Variants in FHIT observed in about 807,000 individuals in gnomAD.
FHIT encodes the protein bis(5'-adenosyl)-triphosphatase.
A neutral mutation model predicts 17.9 loss-of-function variants in FHIT; 19 were observed. The ratio of observed to expected loss-of-function variants is 1.06; its 90% CI spans 0.74 to 1.56. The LOEUF is 1.56. Ranked by LOEUF, FHIT falls within the 40% of genes most tolerant of loss-of-function variation. The pLI is 0.00. For synonymous variants in FHIT, 81 were observed against 69.7 expected, an observed-to-expected ratio of 1.16 and a Z score of -0.81; for missense variants, 248 against 189.2, an observed-to-expected ratio of 1.31 and a Z score of -1.82.
intron 5 of FHIT, among the ~76,000 whole-genome samples, chr3:60,287,582 A>G (rs1707786041): frequency 6.6e-6 from 1 of 152,230 alleles, no homozygotes; most frequent in Non-Finnish European, 1.5e-5. Flanking sequence ...TAAGTGCTTA[A>G]TAAATTTTAC....
chr3:61,200,076 T>A (rs2038968156), intron 2 of FHIT, among the ~76,000 whole-genome samples: 2 of 152,194 alleles, frequency 1.3e-5, no homozygotes, highest in South Asian at 2.1e-4. Flanking sequence ...AGCTTGGAAG[T>A]TCATTTCCTG....
chr3:61,247,783 C>T (rs2040522608), intron 1 of FHIT, among the ~76,000 whole-genome samples: 1 of 152,120 alleles, frequency 6.6e-6, no homozygotes, highest in Non-Finnish European at 1.5e-5. Context: ...AAAATAAGAG[C>T]TATTATATTT....
At chr3:61,030,063 A>G (rs1249972214) in intron 3 of FHIT, among the ~76,000 whole-genome samples, 1 of 152,140 alleles carries the variant, frequency 6.6e-6, no homozygotes, top group African/African-American at 2.4e-5. Flanking sequence ...TTTGCGTCCC[A>G]GACTCAGGTG....
At chr3:60,642,662 G>T (rs2039756434) in intron 4 of FHIT, among the ~76,000 whole-genome samples, 1 of 152,180 alleles carries the variant, frequency 6.6e-6, no homozygotes, top group Non-Finnish European at 1.5e-5. Flanking sequence ...GAAGAGTTCA[G>T]AGCAAAGTCA....
chr3:60,391,998 A>G (rs906496039), intron 5 of FHIT, among the ~76,000 whole-genome samples: 3 of 151,874 alleles, frequency 2.0e-5, no homozygotes, highest in Non-Finnish European at 4.4e-5. Context: ...ACAAGATATC[A>G]TTTATGATCA....
At chr3:61,041,463 G>C (rs2033511453) in intron 3 of FHIT, among the ~76,000 whole-genome samples, 4 of 151,068 alleles carry the variant, frequency 2.6e-5, no homozygotes, top group Admixed American at 2.0e-4. Context: ...ATTCCTCTTG[G>C]GTCTCTTGAT....
At chr3:60,418,376 GTATATATATATATATATATATATATA>G (rs869203310) in intron 5 of FHIT, among the ~76,000 whole-genome samples, 4 of 14,918 alleles carry the variant, frequency 2.7e-4, no homozygotes, top group Admixed American at 9.5e-4. Flanking sequence ...CTGAATGTGT[GTATATATATATATATATATATATATA>G]TATATATATA....
chr3:60,407,263 G>T (rs1258933895), intron 5 of FHIT, among the ~76,000 whole-genome samples: 3 of 151,736 alleles, frequency 2.0e-5, no homozygotes, highest in Non-Finnish European at 2.9e-5. Context: ...TTGTGCTTCG[G>T]TTGCTAAGTC....
At chr3:60,006,432 T>C (rs907466051) in intron 7 of FHIT, among the ~76,000 whole-genome samples, 4 of 152,102 alleles carry the variant, frequency 2.6e-5, no homozygotes, top group African/African-American at 9.7e-5. Flanking sequence ...CACAATCTAT[T>C]TTATAGATGA....
intron 7 of FHIT, among the ~76,000 whole-genome samples, chr3:60,008,965 C>T (rs1417405939): frequency 6.6e-6 from 1 of 152,116 alleles, no homozygotes; most frequent in Non-Finnish European, 1.5e-5. Flanking sequence ...GATTCCCAAG[C>T]CCCAGTCACA....
intron 5 of FHIT, among the ~76,000 whole-genome samples, chr3:60,406,060 A>T (rs1224326844): frequency 6.6e-6 from 1 of 152,234 alleles, no homozygotes; most frequent in African/African-American, 2.4e-5. Context: ...CATTATTATA[A>T]TAAAAGCCGC....
At chr3:59,916,615 T>C (rs1316983495) in intron 8 of FHIT, among the ~76,000 whole-genome samples, 2 of 152,228 alleles carry the variant, frequency 1.3e-5, no homozygotes, top group Non-Finnish European at 2.9e-5. Flanking sequence ...TTTGTGTCTC[T>C]CTTTTGAGGA....
At chr3:60,587,156 G>A (rs532770375) in intron 4 of FHIT, among the ~76,000 whole-genome samples, 6 of 151,992 alleles carry the variant, frequency 3.9e-5, no homozygotes, top group East Asian at 3.9e-4. Context: ...TATACACCAC[G>A]GAATACTATG....
intron 5 of FHIT, among the ~76,000 whole-genome samples, chr3:60,135,829 G>C (rs1042838210): frequency 2.6e-5 from 4 of 151,948 alleles, no homozygotes; most frequent in African/African-American, 9.7e-5. Flanking sequence ...GAAGAATTTG[G>C]GGCAAAATGG....
chr3:59,827,824 AT>A (rs1031137318), intron 8 of FHIT, among the ~76,000 whole-genome samples: 5 of 152,188 alleles, frequency 3.3e-5, no homozygotes, highest in Non-Finnish European at 7.4e-5. Context: ...GATAATGTAT[AT>A]TTTTTAACTT....
At chr3:60,750,518 T>A (rs377648913) in intron 4 of FHIT, among the ~76,000 whole-genome samples, 4 of 152,230 alleles carry the variant, frequency 2.6e-5, no homozygotes, top group African/African-American at 9.6e-5. Context: ...TCTCACAAGA[T>A]CTGATGGTTT....
chr3:60,180,608 C>T (rs578155190), intron 5 of FHIT, among the ~76,000 whole-genome samples: 1 of 152,116 alleles, frequency 6.6e-6, no homozygotes, highest in African/African-American at 2.4e-5. Flanking sequence ...CTTAGGCATT[C>T]AGAATATAAA....
At chr3:60,218,821 T>C (rs1703820408) in intron 5 of FHIT, among the ~76,000 whole-genome samples, 1 of 152,088 alleles carries the variant, frequency 6.6e-6, no homozygotes, top group Non-Finnish European at 1.5e-5. Context: ...TAAATGAGGT[T>C]TGAATCCAGG....
chr3:60,108,551 C>G (rs141538651), intron 5 of FHIT, among the ~76,000 whole-genome samples: 1,579 of 152,278 alleles, frequency 0.01, 15 homozygotes, highest in South Asian at 0.024. Flanking sequence ...CTGACCACAG[C>G]CCTCCCTCTT....
Sources: gnomAD v4.1 joint callset for allele counts (sites outside exome capture counted in the v4.1 genomes callset) on GRCh38, gnomAD v4.1.1 for gene constraint, MANE v1.5 for transcripts, NCBI Gene and HGNC (gene_info 2026-07-23, HGNC 2026-07-21) for gene names.